Variants in MYO1E observed in about 807,000 individuals in gnomAD.
MYO1E encodes the protein myosin IE, also known as unconventional myosin-Ie.
MYO1E carries 68 observed loss-of-function variants against 151.1 expected under a neutral mutation model. The ratio of observed to expected loss-of-function variants is 0.45; its 90% CI spans 0.37 to 0.55. The LOEUF is 0.55. Among genes scored for constraint, MYO1E ranks in the 20% least tolerant of loss-of-function variants. The probability of loss-of-function intolerance (pLI) is 0.00; values close to 1 mark genes in which losing one functional copy is unlikely to be tolerated. For missense variants in MYO1E, 1,363 were observed against 1,389.3 expected, an observed-to-expected ratio of 0.98 and a Z score of 0.30; for synonymous variants, 601 against 501.7, an observed-to-expected ratio of 1.20 and a Z score of -2.64.
intron 1 of MYO1E, among the ~76,000 whole-genome samples, chr15:59,315,549 T>TTA (rs1272853634): frequency 0.035 from 4,472 of 128,824 alleles, 145 homozygotes; most frequent in African/African-American, 0.095. Context: ...AACTAAAAAT[T>TTA]AAAAAAAAAA....
At chr15:59,163,357 T>A in intron 22 of MYO1E, 54 bp from the exon 23 acceptor site, 1 of 1,554,880 alleles carries the variant, frequency 6.4e-7, no homozygotes. Flanking sequence ...CTGTTTACTC[T>A]ATTGTTTTTT....
chr15:59,304,456 G>T (rs1223867909), intron 1 of MYO1E, among the ~76,000 whole-genome samples: 4 of 152,178 alleles, frequency 2.6e-5, no homozygotes, highest in Non-Finnish European at 5.9e-5. Context: ...ATATGTGCTA[G>T]AATTTCCCTT....
intron 22 of MYO1E, among the ~76,000 whole-genome samples, chr15:59,163,874 A>C (rs1332537976): frequency 2.6e-5 from 4 of 152,242 alleles, no homozygotes; most frequent in Admixed American, 2.6e-4. Context: ...GAACGTACAG[A>C]CACATCCAAG....
At chr15:59,207,150 T>G (rs777556998) in intron 14 of MYO1E, 2 of 1,614,070 alleles carry the variant, frequency 1.2e-6, no homozygotes, top group African/African-American at 2.7e-5. Context: ...TTCATCACAG[T>G]AAGGTCTCCA....
intron 5 of MYO1E, among the ~76,000 whole-genome samples, chr15:59,236,364 A>AAAATG (rs2080064096): frequency 2.1e-5 from 1 of 48,544 alleles, no homozygotes; most frequent in Non-Finnish European, 4.1e-5. Context: ...AAAAAAAAAA[A>AAAATG]TATATACACA....
chr15:59,349,259 T>C (rs902037561), intron 1 of MYO1E, among the ~76,000 whole-genome samples: 5 of 152,210 alleles, frequency 3.3e-5, no homozygotes, highest in African/African-American at 1.2e-4. Flanking sequence ...TATATGCATA[T>C]GCCTCCTATA....
intron 12 of MYO1E, 115 bp downstream of exon 12, chr15:59,214,113 G>T: frequency 1.3e-6 from 1 of 781,084 alleles, no homozygotes. Flanking sequence ...TTTATTAGAT[G>T]CATTTCCTAA....
At chr15:59,265,792 TAAAAAAAAA>T (rs59957325) in intron 2 of MYO1E, among the ~76,000 whole-genome samples, 2 of 106,330 alleles carry the variant, frequency 1.9e-5, no homozygotes, top group African/African-American at 3.6e-5. Flanking sequence ...CCCATCTCCT[TAAAAAAAAA>T]AAAAAAAAAA....
chr15:59,251,483 G>A (rs960913442), intron 4 of MYO1E, among the ~76,000 whole-genome samples: 1 of 152,188 alleles, frequency 6.6e-6, no homozygotes, highest in African/African-American at 2.4e-5. Flanking sequence ...GCATAAACCA[G>A]CAGAAAAGGA....
chr15:59,247,718 C>A (rs1406406915), intron 4 of MYO1E, among the ~76,000 whole-genome samples: 1 of 152,170 alleles, frequency 6.6e-6, no homozygotes, highest in Non-Finnish European at 1.5e-5. Context: ...CCAAGGCCAC[C>A]ACAAATCAGT....
intron 6 of MYO1E, among the ~76,000 whole-genome samples, chr15:59,230,342 G>C (rs1460245088): frequency 2.4e-4 from 37 of 151,696 alleles, no homozygotes; most frequent in Admixed American, 2.1e-3. Flanking sequence ...TAAATGTTGA[G>C]TGTTTTTGTT....
At position 59,137,353 on chromosome 15, in the gene MYO1E, GC is replaced by G; in HGVS notation, c.*26del. ...CCTGGTCTGTGCCTGGAGCTCCTCTGCCCCATGTGTCAGAGTCACGGGCACC... is the reference window on the plus strand; with the variant it reads ...CCTGGTCTGTGCCTGGAGCTCCTCTGCCCATGTGTCAGAGTCACGGGCACC... On this transcript the variant is annotated 3_prime_UTR_variant, in exon 28 of 28. Coordinates refer to ENST00000288235, the MANE Select transcript of MYO1E (RefSeq NM_004998.4). 1.2e-6 allele frequency: 2 copies of G among 1,604,906 alleles called. No individual in the cohort carries two copies. The highest frequency in any genetic ancestry group is 1.7e-5 in the Admixed American group (1 of 59,996).
At chr15:59,264,636 T>TA (rs1199264647) in intron 2 of MYO1E, among the ~76,000 whole-genome samples, 3 of 152,234 alleles carry the variant, frequency 2.0e-5, no homozygotes, top group African/African-American at 7.2e-5. Context: ...TCTTCTAACT[T>TA]AGATTCTCTG....
intron 23 of MYO1E, among the ~76,000 whole-genome samples, chr15:59,162,650 A>T (rs1236982194): frequency 1.6e-5 from 2 of 126,564 alleles, no homozygotes; most frequent in Non-Finnish European, 3.6e-5. Flanking sequence ...CATCTCAAGA[A>T]AAAAAAAAGA....
intron 1 of MYO1E, among the ~76,000 whole-genome samples, chr15:59,315,614 C>T (rs888903343): frequency 1.3e-5 from 2 of 151,690 alleles, no homozygotes; most frequent in Non-Finnish European, 2.9e-5. Context: ...GTTACTTAAC[C>T]TCTCTGTGCC....
At chr15:59,245,612 T>C (rs189001422) in intron 4 of MYO1E, among the ~76,000 whole-genome samples, 18 of 152,328 alleles carry the variant, frequency 1.2e-4, no homozygotes, top group African/African-American at 3.8e-4. Flanking sequence ...TGCGTCAGGA[T>C]ACTTCAAATA....
chr15:59,246,320 G>C (rs184409840), intron 4 of MYO1E, among the ~76,000 whole-genome samples: 17 of 152,106 alleles, frequency 1.1e-4, no homozygotes, highest in Non-Finnish European at 2.2e-4. Context: ...GTTTCACCAT[G>C]TTGGCCAGGC....
chr15:59,372,829 T>G lies in MYO1E; in HGVS notation c.-329A>C, dbSNP rs2080957043. 4.4e-6 allele frequency: 2 copies of G among 455,666 alleles called. No homozygotes were observed. The highest frequency in any genetic ancestry group is 7.8e-6 in the Non-Finnish European group (2 of 256,794). 28.2% of individuals were successfully genotyped at this position (455,666 alleles called of 1,614,324 possible). On this transcript the variant is annotated 5_prime_UTR_variant, in exon 1 of 28. Transcript: ENST00000288235. ...CCGCCTCGCTCCCCTGCCTCACTCCTCTTTCTTCGGCCACTTAATCCGTAC... is the reference window on the plus strand; with the variant it reads ...CCGCCTCGCTCCCCTGCCTCACTCCGCTTTCTTCGGCCACTTAATCCGTAC...
chr15:59,223,116 G>A lies in MYO1E; in HGVS notation c.853C>T (p.Leu285=). Reference sequence around the variant, plus strand: ...ACTTCTTTGAAGCTGATGTTTCCCAGGTGGAGAATACCCGCCACTATCTGC... The same window carrying A: ...ACTTCTTTGAAGCTGATGTTTCCCAAGTGGAGAATACCCGCCACTATCTGC... The part of the protein sequence containing the change: ...VLQIVAGILH[L]GNISFKEVGN... The change falls in exon 9 of 28, where the codon CTG becomes TTG. Residue 285 remains leucine, a synonymous_variant. Transcript: ENST00000288235. 2 of 1,614,120 alleles carry A rather than the reference G, an allele frequency of 1.2e-6. No homozygotes were observed. The highest frequency in any genetic ancestry group is 1.7e-6 in the Non-Finnish European group (2 of 1,180,018).
Sources: gnomAD v4.1 joint callset for allele counts (sites outside exome capture counted in the v4.1 genomes callset) on GRCh38, gnomAD v4.1.1 for gene constraint, MANE v1.5 for transcripts, NCBI Gene and HGNC (gene_info 2026-07-23, HGNC 2026-07-21) for gene names.